DIP2B: variants seen among roughly 807,000 people sequenced by gnomAD.
DIP2B encodes the protein disco-interacting protein 2 homolog B.
A neutral mutation model predicts 198.0 loss-of-function variants in DIP2B; 76 were observed. The ratio of observed to expected loss-of-function variants is 0.38; its 90% CI spans 0.32 to 0.46. The LOEUF is 0.46. DIP2B is among the 20% of genes least tolerant of loss of function. DIP2B has a pLI of 0.99. For synonymous variants in DIP2B, 701 were observed against 739.1 expected (o/e 0.95, Z 0.84); for missense variants, 1,559 against 1,978.4 (o/e 0.79, Z 4.02).
rs143110132 is a variant in DIP2B at position 50,584,767 on chromosome 12, T to C, written c.101-41209T>C. 3.2e-3 allele frequency among the ~76,000 whole-genome samples: 484 copies of C among 152,280 alleles called. 4 individuals are homozygous for C. The highest frequency in any genetic ancestry group is 0.011 in the African/African-American group (463 of 41,562). On this transcript the variant is annotated intron_variant, in intron 1 of 37. Coordinates refer to ENST00000301180, the MANE Select transcript of DIP2B (RefSeq NM_173602.3). ...TTAGTAGAGATGGAGTTTCACCATG[T>C]TGGCCAGGCTGGTCTTGAACTCGTG...
At chr12:50,589,761 T>C (rs1253239577) in intron 1 of DIP2B, among the ~76,000 whole-genome samples, 1 of 152,102 alleles carries the variant, frequency 6.6e-6, no homozygotes, top group Non-Finnish European at 1.5e-5. Context: ...CCAGAGGGTG[T>C]ATCCTCTGTG....
At chr12:50,585,808 C>T (rs958183782) in intron 1 of DIP2B, among the ~76,000 whole-genome samples, 1 of 152,222 alleles carries the variant, frequency 6.6e-6, no homozygotes, top group African/African-American at 2.4e-5. Flanking sequence ...CACAGAGAGA[C>T]TCCCCAGAAG....
chr12:50,643,141 A>G (rs891531064), intron 3 of DIP2B, among the ~76,000 whole-genome samples: 2 of 151,974 alleles, frequency 1.3e-5, no homozygotes, highest in African/African-American at 2.4e-5. Context: ...GTGATTTTCA[A>G]TATTCTATAT....
Position 50,640,870 on chromosome 12 carries a change from A to T in DIP2B, c.301+18A>T. 6.2e-7 allele frequency: 1 copy of T among 1,608,458 alleles called. No homozygotes were observed. Among genetic ancestry groups the T allele is most frequent in the Non-Finnish European group, 8.5e-7 (1 of 1,177,842 alleles). On this transcript the variant is annotated intron_variant, in intron 3 of 37. Transcript: ENST00000301180. Reference sequence around the variant, plus strand: ...TCGATCAGGTGAGGAGAAGCTGCAGAATGGCCAGCTGAATCGTTTTCCTAA... The same window carrying T: ...TCGATCAGGTGAGGAGAAGCTGCAGTATGGCCAGCTGAATCGTTTTCCTAA...
intron 1 of DIP2B, among the ~76,000 whole-genome samples, chr12:50,570,449 A>G (rs1958602933): frequency 6.6e-6 from 1 of 152,160 alleles, no homozygotes; most frequent in South Asian, 2.1e-4. Flanking sequence ...AGTGGCCCAT[A>G]CCTGTAATCT....
At chr12:50,544,570 T>C (rs1257437228) in intron 1 of DIP2B, among the ~76,000 whole-genome samples, 2 of 152,072 alleles carry the variant, frequency 1.3e-5, no homozygotes, top group Non-Finnish European at 2.9e-5. Context: ...TCTCCCAAAG[T>C]GCTGGGATTA....
At chr12:50,638,659 A>T (rs1938200025) in intron 2 of DIP2B, among the ~76,000 whole-genome samples, 1 of 152,088 alleles carries the variant, frequency 6.6e-6, no homozygotes, top group Non-Finnish European at 1.5e-5. Context: ...AATTTCTGAG[A>T]TCTAGTTGGA....
intron 5 of DIP2B, among the ~76,000 whole-genome samples, chr12:50,673,648 G>T (rs1251615430): frequency 2.0e-5 from 3 of 152,038 alleles, no homozygotes; most frequent in Non-Finnish European, 2.9e-5. Context: ...TTAGCCTGAT[G>T]TAGTGGTGTG....
intron 30 of DIP2B, among the ~76,000 whole-genome samples, chr12:50,730,068 T>C (rs1428647603): frequency 1.3e-5 from 2 of 152,202 alleles, no homozygotes; most frequent in Admixed American, 1.3e-4. Flanking sequence ...GGTTCAAGCC[T>C]GTTATCACCT....
rs767128991 is a variant in DIP2B at position 50,623,433 on chromosome 12, ACACACTCT to A, written c.101-2541_101-2534del. Reference sequence around the variant, plus strand: ...CACACACACACACACACACACACACACACACTCTCTCTCTCTCTCTCTCTCTCTCTCTC... The same window carrying A: ...CACACACACACACACACACACACACACTCTCTCTCTCTCTCTCTCTCTCTC... On this transcript the variant is annotated intron_variant, in intron 1 of 37. Transcript: ENST00000301180. 6.7e-3 allele frequency among the ~76,000 whole-genome samples: 314 copies of A among 46,650 alleles called. 1 individual carries two copies. The highest frequency in any genetic ancestry group is 0.016 in the African/African-American group (169 of 10,714). 30.6% of individuals were successfully genotyped at this position (46,650 alleles called of 152,430 possible).
chr12:50,523,082 G>A (rs1207228747), intron 1 of DIP2B, among the ~76,000 whole-genome samples: 1 of 152,124 alleles, frequency 6.6e-6, no homozygotes, highest in African/African-American at 2.4e-5. Flanking sequence ...AAACTTTAAA[G>A]ATATAAAAGC....
intron 1 of DIP2B, among the ~76,000 whole-genome samples, chr12:50,551,373 A>G (rs928854251): frequency 2.0e-5 from 3 of 152,194 alleles, no homozygotes; most frequent in Non-Finnish European, 4.4e-5. Flanking sequence ...CAGTGAGCCA[A>G]GATCAAGCCA....
At chr12:50,600,795 A>G (rs749254516) in intron 1 of DIP2B, among the ~76,000 whole-genome samples, 6 of 151,840 alleles carry the variant, frequency 4.0e-5, no homozygotes, top group Non-Finnish European at 7.4e-5. Context: ...TTGCATAGCT[A>G]TTTCCTCTTC....
intron 28 of DIP2B, 70 bp downstream of exon 28, chr12:50,724,956 C>T: frequency 2.7e-6 from 4 of 1,470,906 alleles, no homozygotes; most frequent in Non-Finnish European, 1.9e-6. Context: ...CCTCCATTCT[C>T]ATGCCAGACG....
intron 1 of DIP2B, among the ~76,000 whole-genome samples, chr12:50,528,175 C>T (rs534475959): frequency 6.6e-6 from 1 of 151,892 alleles, no homozygotes; most frequent in East Asian, 1.9e-4. Flanking sequence ...AATCTGCCCA[C>T]CTCAGCCTTC....
At chr12:50,626,774 C>CTT (rs10712216) in intron 2 of DIP2B, among the ~76,000 whole-genome samples, 3 of 132,748 alleles carry the variant, frequency 2.3e-5, no homozygotes, top group African/African-American at 2.8e-5. Flanking sequence ...GAACTAATGG[C>CTT]TTTTTTTTTT....
chr12:50,687,972 T>C (rs1429772544), intron 12 of DIP2B, among the ~76,000 whole-genome samples: 1 of 150,694 alleles, frequency 6.6e-6, no homozygotes, highest in Non-Finnish European at 1.5e-5. Context: ...CTGGCACTTT[T>C]GGAGGCTGAG....
At chr12:50,599,617 A>G (rs1958918574) in intron 1 of DIP2B, among the ~76,000 whole-genome samples, 1 of 151,630 alleles carries the variant, frequency 6.6e-6, no homozygotes, top group Non-Finnish European at 1.5e-5. Flanking sequence ...CTCAGTCTCA[A>G]AAAAACAAAA....
chr12:50,711,653 C>T (rs961012519), intron 22 of DIP2B, among the ~76,000 whole-genome samples: 5 of 152,296 alleles, frequency 3.3e-5, no homozygotes, highest in African/African-American at 9.6e-5. Context: ...CCTCCACCTC[C>T]CGGTTTCAAG....
Sources: gnomAD v4.1 joint callset for allele counts (sites outside exome capture counted in the v4.1 genomes callset) on GRCh38, gnomAD v4.1.1 for gene constraint, MANE v1.5 for transcripts, NCBI Gene and HGNC (gene_info 2026-07-23, HGNC 2026-07-21) for gene names.